The following PCDH15 variants were observed in gnomAD, a reference collection of about 807,000 sequenced individuals.
The protein encoded by PCDH15 is protocadherin related 15, also known as protocadherin-15.
PCDH15 carries 129 observed loss-of-function variants against 178.5 expected under a neutral mutation model. The ratio of observed to expected loss-of-function variants is 0.72; its 90% CI spans 0.63 to 0.84. The LOEUF (loss-of-function observed/expected upper bound fraction) is 0.84, where lower values mean the gene tolerates loss of function less well. Among genes scored for constraint, PCDH15 ranks in the 40% least tolerant of loss-of-function variants. The pLI, the probability that PCDH15 is intolerant of heterozygous loss-of-function variation, is 0.00. For synonymous variants in PCDH15, 800 were observed against 732.0 expected (o/e 1.09, Z -1.50); for missense variants, 2,230 against 2,099.9 (o/e 1.06, Z -1.21).
At chr10:54,136,091 C>G (rs576021911) in intron 14 of PCDH15, among the ~76,000 whole-genome samples, 1 of 152,276 alleles carries the variant, frequency 6.6e-6, no homozygotes, top group South Asian at 2.1e-4. Flanking sequence ...AATCCTTTCA[C>G]TTGGCTAAAT....
chr10:55,277,892 A>G (rs574595089), intron 1 of PCDH15, among the ~76,000 whole-genome samples: 55 of 152,220 alleles, frequency 3.6e-4, no homozygotes, highest in African/African-American at 1.3e-3. Flanking sequence ...ATCTTGAAAT[A>G]TGTCTTTTCT....
At chr10:54,464,914 T>A (rs1020751841) in intron 3 of PCDH15, among the ~76,000 whole-genome samples, 1 of 152,126 alleles carries the variant, frequency 6.6e-6, no homozygotes, top group Admixed American at 6.6e-5. Flanking sequence ...CTAAATTTAG[T>A]GTTGGAGATT....
intron 25 of PCDH15, among the ~76,000 whole-genome samples, chr10:53,924,155 TC>T (rs1403282784): frequency 6.6e-6 from 1 of 152,028 alleles, no homozygotes; most frequent in African/African-American, 2.4e-5. Context: ...CGGAGCCAGC[TC>T]CCTCTGCTTG....
chr10:54,378,850 A>G lies in PCDH15; in HGVS notation c.250T>C (p.Trp84Arg), dbSNP rs752604584. 28 of 1,613,786 alleles carry G rather than the reference A, an allele frequency of 1.7e-5. No individual in the cohort carries two copies. The highest frequency in any genetic ancestry group is 2.2e-5 in the Non-Finnish European group (26 of 1,179,884). Residue 84 changes from tryptophan to arginine, a missense_variant, in exon 4 of 38, where the codon TGG becomes CGG. By Grantham distance (101) the Trp-to-Arg change is moderately radical. Transcript: ENST00000644397. ...ELSLKDNVDYWVLMDPVKQML... is the reference protein window; with the variant it reads ...ELSLKDNVDYRVLMDPVKQML... Reference sequence around the variant, plus strand: ...TGCTTAACAGGATCCATCAACACCCAGTAATCCACATTATCCTTTAAAGAA... The same window carrying G: ...TGCTTAACAGGATCCATCAACACCCGGTAATCCACATTATCCTTTAAAGAA...
chr10:54,280,285 T>G (rs1041188039), intron 8 of PCDH15, among the ~76,000 whole-genome samples: 2 of 149,110 alleles, frequency 1.3e-5, no homozygotes, highest in African/African-American at 5.1e-5. Context: ...TTTCTAGTTT[T>G]TTTTTTTTTT....
chr10:54,164,844 C>T (rs1324113635), intron 13 of PCDH15, among the ~76,000 whole-genome samples: 1 of 152,146 alleles, frequency 6.6e-6, no homozygotes, highest in Non-Finnish European at 1.5e-5. Flanking sequence ...TTCTACTATG[C>T]TATTGCCATA....
chr10:54,250,714 C>A (rs1414489031), intron 8 of PCDH15, among the ~76,000 whole-genome samples: 1 of 152,126 alleles, frequency 6.6e-6, no homozygotes, highest in Admixed American at 6.5e-5. Context: ...ATCAAATAAT[C>A]TGGATTTACG....
At chr10:55,586,957 A>G (rs1842737587) in intron 2 of PCDH15, among the ~76,000 whole-genome samples, 1 of 152,144 alleles carries the variant, frequency 6.6e-6, no homozygotes, top group South Asian at 2.1e-4. Context: ...TTTGACAAAT[A>G]AAATCAGAAT....
chr10:55,296,722 T>C lies in PCDH15; in HGVS notation c.-156+22877A>G, dbSNP rs373702741. ...GAAAACGGACCTGCTTTTTAATTTA[T>C]TTTTTTTAAACTTAGACATAGTAAA... is the stretch of plus-strand genomic sequence containing the variant. On this transcript the variant is annotated intron_variant, in intron 1 of 5. Coordinates refer to the PCDH15 transcript ENST00000458638. Among the ~76,000 whole-genome samples the C allele has an allele frequency of 2.0e-5, 3 of 152,058 alleles. No individual in the cohort carries two copies. The East Asian group carries it at 5.8e-4, about 29-fold the overall frequency.
intron 3 of PCDH15, among the ~76,000 whole-genome samples, chr10:54,421,816 GTATATA>G (rs71185272): frequency 2.4e-4 from 26 of 107,960 alleles, no homozygotes; most frequent in Non-Finnish European, 3.4e-4. Flanking sequence ...TGTAGTGTGT[GTATATA>G]TATATATATA....
At position 54,772,223 on chromosome 10, in the gene PCDH15, G is replaced by A. The variant is rs185245500; in HGVS notation, c.-29+28702C>T. ...GTTACTTGTATTTTATTGGCTCTTC[G>A]GCTACATTCCAAAACTTAAGCAAGT... On this transcript the variant is annotated intron_variant, in intron 1 of 37. Coordinates refer to ENST00000644397, the MANE Select transcript of PCDH15 (RefSeq NM_001384140.1). Among the ~76,000 whole-genome samples, 388 of 151,588 alleles carry A rather than the reference G, an allele frequency of 2.6e-3. 1 individual carries two copies. Among genetic ancestry groups the A allele is most frequent in the African/African-American group, 8.6e-3 (356 of 41,330 alleles).
intron 1 of PCDH15, among the ~76,000 whole-genome samples, chr10:55,258,497 C>T (rs1007373187): frequency 6.6e-6 from 1 of 152,106 alleles, no homozygotes; most frequent in Non-Finnish European, 1.5e-5. Flanking sequence ...TGTTCTAAAG[C>T]TCTGAAACTT....
At chr10:54,523,670 A>G (rs1481833270) in intron 3 of PCDH15, among the ~76,000 whole-genome samples, 1 of 152,222 alleles carries the variant, frequency 6.6e-6, no homozygotes, top group Non-Finnish European at 1.5e-5. Context: ...TATTTTCAAG[A>G]TAGTTTTTGA....
chr10:53,910,260 G>T (rs192891268), intron 25 of PCDH15, among the ~76,000 whole-genome samples: 2 of 152,138 alleles, frequency 1.3e-5, no homozygotes, highest in Admixed American at 6.5e-5. Flanking sequence ...AGTAGGGGCC[G>T]ACTGACACTG....
intron 8 of PCDH15, among the ~76,000 whole-genome samples, chr10:54,260,395 T>TA (rs10699236): frequency 0.094 from 14,158 of 151,420 alleles, 826 homozygotes; most frequent in African/African-American, 0.16. Flanking sequence ...TATGCTAGTT[T>TA]AAAAAAATTT....
chr10:55,269,766 G>A (rs922258924), intron 1 of PCDH15, among the ~76,000 whole-genome samples: 5 of 151,950 alleles, frequency 3.3e-5, no homozygotes, highest in Middle Eastern at 3.4e-3. Flanking sequence ...ATTTTTCACA[G>A]TTAGAAAAAA....
At chr10:55,063,352 T>G (rs1261286705) in intron 2 of PCDH15, among the ~76,000 whole-genome samples, 1 of 152,138 alleles carries the variant, frequency 6.6e-6, no homozygotes, top group African/African-American at 2.4e-5. Flanking sequence ...TCAACATTCC[T>G]AATCTCTCTA....
At chr10:55,097,772 T>C (rs1842481134) in intron 2 of PCDH15, among the ~76,000 whole-genome samples, 1 of 152,100 alleles carries the variant, frequency 6.6e-6, no homozygotes, top group South Asian at 2.1e-4. Context: ...CCTGTAATTT[T>C]TCCTCAGAAA....
At chr10:54,417,388 A>G (rs1167091389) in intron 3 of PCDH15, among the ~76,000 whole-genome samples, 1 of 151,592 alleles carries the variant, frequency 6.6e-6, no homozygotes, top group African/African-American at 2.4e-5. Context: ...ATGGGGAGTG[A>G]TAGAATAGAA....
Sources: gnomAD v4.1 joint callset for allele counts (sites outside exome capture counted in the v4.1 genomes callset) on GRCh38, gnomAD v4.1.1 for gene constraint, MANE v1.5 for transcripts, NCBI Gene and HGNC (gene_info 2026-07-23, HGNC 2026-07-21) for gene names.